The following ZNF254 variants were observed in gnomAD, a reference collection of about 807,000 sequenced individuals.
ZNF254 encodes the protein zinc finger protein 254.
Under a neutral mutation model 12.4 loss-of-function variants are expected in ZNF254, and 10 were observed. That is an observed-to-expected ratio of 0.80 (90% CI 0.50 to 1.36). The LOEUF is 1.36. Among genes scored for constraint, ZNF254 ranks in the 40% most tolerant of loss-of-function variants. The probability of loss-of-function intolerance (pLI) is 0.00; values close to 1 mark genes in which losing one functional copy is unlikely to be tolerated. For missense variants in ZNF254, 996 were observed against 763.9 expected (o/e 1.30, Z -3.58); for synonymous variants, 305 against 253.4 (o/e 1.20, Z -1.93).
intron 3 of ZNF254, among the ~76,000 whole-genome samples, chr19:24,123,545 C>T (rs1304117628): frequency 2.0e-5 from 3 of 151,800 alleles, no homozygotes; most frequent in African/African-American, 2.4e-5. Context: ...GTGTTTCTTC[C>T]ATTCTGTCAA....
chr19:24,062,132 GTC>G (rs1168414290), intron 2 of ZNF254, among the ~76,000 whole-genome samples: 2 of 151,560 alleles, frequency 1.3e-5, no homozygotes, highest in Admixed American at 6.6e-5. Context: ...AATCCTGGTG[GTC>G]TCTCTGTATG....
rs773229154 is a variant in ZNF254 at position 24,126,421 on chromosome 19, G to A, written c.421G>A (p.Gly141Arg). The part of the protein sequence containing the change: ...EYKVNKEGYN[G>R]LNQCFTTAQS... ...TAAGGTGAACAAAGAAGGTTATAAT[G>A]GACTTAACCAGTGTTTCACAACTGC... Residue 141 changes from glycine to arginine, a missense_variant, in exon 4 of 4, where the codon GGA becomes AGA. By Grantham distance (125) the Gly-to-Arg change is moderately radical. Transcript: ENST00000357002. The A allele has an allele frequency of 1.9e-6, 3 of 1,601,282 alleles. No individual in the cohort carries two copies. The highest frequency in any genetic ancestry group is 1.7e-4 in the Middle Eastern group (1 of 5,948).
chr19:24,043,106 AAAG>A (rs1465987310), intron 1 of ZNF254, among the ~76,000 whole-genome samples: 1 of 152,164 alleles, frequency 6.6e-6, no homozygotes, highest in Non-Finnish European at 1.5e-5. Flanking sequence ...AAGTTCTAAA[AAAG>A]GTATCAGTTT....
At chr19:24,081,841 C>T (rs1028214432) in intron 2 of ZNF254, among the ~76,000 whole-genome samples, 9 of 152,042 alleles carry the variant, frequency 5.9e-5, no homozygotes, top group South Asian at 2.1e-4. Context: ...GAAATAATTC[C>T]GATGGGTACA....
chr19:24,061,686 G>A (rs1279179344), intron 2 of ZNF254, among the ~76,000 whole-genome samples: 2 of 152,160 alleles, frequency 1.3e-5, no homozygotes, highest in African/African-American at 2.4e-5. Flanking sequence ...AAGTTGGTTG[G>A]TAACATATAT....
intron 2 of ZNF254, among the ~76,000 whole-genome samples, chr19:24,070,630 A>G (rs892584923): frequency 6.6e-6 from 1 of 152,180 alleles, no homozygotes; most frequent in Non-Finnish European, 1.5e-5. Flanking sequence ...TGCCTCTCAT[A>G]CCTAGAATGG....
At chr19:24,117,410 C>T (rs922743382) in intron 3 of ZNF254, among the ~76,000 whole-genome samples, 14 of 152,270 alleles carry the variant, frequency 9.2e-5, no homozygotes, top group East Asian at 3.9e-4. Flanking sequence ...GGGTGCCCCT[C>T]CCCCAGCCTC....
chr19:24,124,016 A>G (rs1367231421), intron 3 of ZNF254, among the ~76,000 whole-genome samples: 1 of 151,906 alleles, frequency 6.6e-6, no homozygotes, highest in Non-Finnish European at 1.5e-5. Flanking sequence ...ACTTACTGTT[A>G]TTTTATTAAG....
rs552227919 is a variant in ZNF254 at position 24,118,163 on chromosome 19, C to T, written c.254-8091C>T. ...CGCCTCCCGGGTTTCAAGCGATTCT[C>T]CTGTCTCAGCCTCCTTAGTAACTGG... On this transcript the variant is annotated intron_variant, in intron 3 of 3. Coordinates refer to ENST00000357002, the MANE Select transcript of ZNF254 (RefSeq NM_203282.4). Among the ~76,000 whole-genome samples, 24 of 151,724 alleles carry T rather than the reference C, an allele frequency of 1.6e-4. No homozygotes were observed. In the South Asian group the frequency reaches 5.0e-3, roughly 31 times the overall value.
intron 1 of ZNF254, 129 bp downstream of exon 1, chr19:24,087,466 C>A: frequency 1.7e-6 from 2 of 1,198,428 alleles, no homozygotes; most frequent in South Asian, 1.3e-5. Flanking sequence ...GACCTCAGTC[C>A]CCTTCAGAAA....
At chr19:24,123,018 T>C (rs886849042) in intron 3 of ZNF254, among the ~76,000 whole-genome samples, 1 of 152,190 alleles carries the variant, frequency 6.6e-6, no homozygotes, top group Non-Finnish European at 1.5e-5. Flanking sequence ...GGTACTTTAT[T>C]GTCTCTTGAG....
chr19:24,043,395 G>C (rs1970252427), intron 1 of ZNF254, among the ~76,000 whole-genome samples: 1 of 152,010 alleles, frequency 6.6e-6, no homozygotes, highest in Non-Finnish European at 1.5e-5. Flanking sequence ...CCGAGTAGCT[G>C]GTACGACAGG....
chr19:24,116,448 A>G (rs1025143067), intron 3 of ZNF254, among the ~76,000 whole-genome samples: 1 of 151,654 alleles, frequency 6.6e-6, no homozygotes, highest in East Asian at 1.9e-4. Context: ...CATTCATTTC[A>G]TCTTCTGTCA....
intron 1 of ZNF254, chr19:24,105,005 C>G (rs1973249850): frequency 6.6e-6 from 1 of 152,212 alleles, no homozygotes; most frequent in South Asian, 2.1e-4. Flanking sequence ...TCTTGAACTT[C>G]CCATAAAACT....
intron 2 of ZNF254, among the ~76,000 whole-genome samples, chr19:24,071,600 A>G (rs1971483596): frequency 6.6e-6 from 1 of 152,220 alleles, no homozygotes; most frequent in African/African-American, 2.4e-5. Flanking sequence ...AGACTGCTGC[A>G]TGGACCCTTC....
At chr19:24,088,203 C>T (rs1384425988) in intron 1 of ZNF254, among the ~76,000 whole-genome samples, 2 of 152,212 alleles carry the variant, frequency 1.3e-5, no homozygotes, top group Non-Finnish European at 1.5e-5. Context: ...CCACCGTGCC[C>T]AGCCTCGTTT....
chr19:24,127,694 A>G lies in ZNF254; in HGVS notation c.1694A>G (p.Lys565Arg). ...FKQSSILTNH[K>R]RIHTGEKPYK... ...CAGTCTTCAATCCTTACTAACCATAAGAGAATTCATACTGGAGAGAAACCC... is the reference window on the plus strand; with the variant it reads ...CAGTCTTCAATCCTTACTAACCATAGGAGAATTCATACTGGAGAGAAACCC... The change falls in exon 4 of 4, where the codon AAG becomes AGG. Residue 565 changes from lysine (K) to arginine (R), a missense_variant. Lys to Arg is a conservative substitution (Grantham distance 26). Coordinates refer to ENST00000357002, the MANE Select transcript of ZNF254 (RefSeq NM_203282.4). 1 of 1,613,442 alleles carries G rather than the reference A, an allele frequency of 6.2e-7. No individual in the cohort carries two copies. Among genetic ancestry groups the G allele is most frequent in the Non-Finnish European group, 8.5e-7 (1 of 1,179,738 alleles).
intron 1 of ZNF254, among the ~76,000 whole-genome samples, chr19:24,099,161 ATT>A (rs779671942): frequency 2.3e-5 from 3 of 133,140 alleles, no homozygotes; most frequent in African/African-American, 5.6e-5. Flanking sequence ...ATGCCCAGCT[ATT>A]TTTTTTTTTT....
intron 1 of ZNF254, chr19:24,105,355 TA>T (rs796272816): frequency 9.7e-3 from 1,985 of 203,798 alleles, no homozygotes; most frequent in South Asian, 0.022. Flanking sequence ...CTAGAAAAAC[TA>T]AAAAAAAAAA....
Sources: allele counts gnomAD v4.1 joint callset (sites outside exome capture counted in the v4.1 genomes callset), GRCh38; gene constraint gnomAD v4.1.1; transcripts MANE v1.5; gene names NCBI Gene and HGNC (gene_info 2026-07-23, HGNC 2026-07-21).